RANBP10: variants seen among roughly 807,000 people sequenced by gnomAD.
RANBP10 encodes ran-binding protein 10.
In RANBP10, 24 loss-of-function variants were observed where a neutral mutation model predicts 72.8. The observed-to-expected ratio is 0.33, with a 90% CI of 0.24 to 0.46. RANBP10 has a LOEUF of 0.46. Ranked by LOEUF, RANBP10 falls within the 20% of genes least tolerant of loss-of-function variation. RANBP10 has a pLI of 1.00. For synonymous variants in RANBP10, 310 were observed against 322.3 expected (o/e 0.96, Z 0.41); for missense variants, 679 against 817.5 (o/e 0.83, Z 2.07).
At chr16:67,741,852 G>A (rs142594057) in intron 4 of RANBP10, among the ~76,000 whole-genome samples, 2 of 152,150 alleles carry the variant, frequency 1.3e-5, no homozygotes, top group African/African-American at 4.8e-5. Context: ...AGTGGGGAAG[G>A]GATCGATTCT....
chr16:67,765,728 C>T (rs939170377), intron 3 of RANBP10, among the ~76,000 whole-genome samples: 1 of 151,580 alleles, frequency 6.6e-6, no homozygotes, highest in African/African-American at 2.4e-5. Flanking sequence ...CTCAGCTACT[C>T]GAGAGGCTGA....
At chr16:67,746,801 G>A (rs1447342072) in intron 3 of RANBP10, among the ~76,000 whole-genome samples, 17 of 152,140 alleles carry the variant, frequency 1.1e-4, no homozygotes, top group Admixed American at 1.1e-3. Context: ...GTCTTGCCTG[G>A]CTTCTTAGAC....
intron 13 of RANBP10, among the ~76,000 whole-genome samples, chr16:67,727,079 G>A (rs1171858755): frequency 6.6e-6 from 1 of 152,216 alleles, no homozygotes; most frequent in Non-Finnish European, 1.5e-5. Flanking sequence ...CAGATCACCT[G>A]AGGCCAGGAG....
chr16:67,790,886 G>A (rs1175984030), intron 2 of RANBP10, among the ~76,000 whole-genome samples: 1 of 151,260 alleles, frequency 6.6e-6, no homozygotes, highest in Non-Finnish European at 1.5e-5. Context: ...TTTTAGTAGA[G>A]ACGGGGTCTC....
intron 3 of RANBP10, among the ~76,000 whole-genome samples, chr16:67,746,156 C>T (rs1392471323): frequency 6.9e-6 from 1 of 144,926 alleles, no homozygotes; most frequent in Non-Finnish European, 1.5e-5. Context: ...AACTCTGTCT[C>T]AAAAAAATAA....
At chr16:67,734,458 C>A (rs2053798704) in intron 6 of RANBP10, among the ~76,000 whole-genome samples, 1 of 152,218 alleles carries the variant, frequency 6.6e-6, no homozygotes, top group Admixed American at 6.5e-5. Flanking sequence ...GGATGCTGGG[C>A]CCTGTGAGGT....
chr16:67,784,056 A>C (rs1264039435), intron 2 of RANBP10, among the ~76,000 whole-genome samples: 1 of 151,898 alleles, frequency 6.6e-6, no homozygotes, highest in Non-Finnish European at 1.5e-5. Flanking sequence ...AAAAAAAAAA[A>C]AAAAAAAAGA....
intron 2 of RANBP10, among the ~76,000 whole-genome samples, chr16:67,802,508 T>C (rs1393575953): frequency 5.9e-5 from 9 of 152,144 alleles, no homozygotes; most frequent in Non-Finnish European, 1.0e-4. Flanking sequence ...CGTGGTGGCG[T>C]ATGCCTGTAA....
intron 2 of RANBP10, 106 bp downstream of exon 2, chr16:67,805,322 G>A (rs1372824686): frequency 7.4e-6 from 7 of 944,768 alleles, no homozygotes; most frequent in South Asian, 3.3e-5. Flanking sequence ...AGACCCATGC[G>A]GCTCCCCAGC....
intron 3 of RANBP10, among the ~76,000 whole-genome samples, chr16:67,771,189 A>C (rs1295862421): frequency 6.6e-6 from 1 of 150,892 alleles, no homozygotes; most frequent in Non-Finnish European, 1.5e-5. Context: ...TGGGAGGTCG[A>C]GGCTGCAGTA....
In RANBP10 at chr16:67,724,532, G is replaced by T. The variant is rs2053570050; in HGVS notation, c.*1896C>A. 1 of 152,222 alleles carries T rather than the reference G, an allele frequency of 6.6e-6. No individual in the cohort carries two copies. The highest frequency in any genetic ancestry group is 2.4e-5 in the African/African-American group (1 of 41,456). The allele number at this position is 152,222 out of a possible 1,614,324, so 9.4% of individuals were successfully genotyped here. On this transcript the variant is annotated 3_prime_UTR_variant, in exon 14 of 14. Coordinates refer to ENST00000317506, the MANE Select transcript of RANBP10 (RefSeq NM_020850.3). ...GTAGCCCCAGGCTGTCACAAGAGAT[G>T]AATTTCCTTTACAGACAGGACGCCT...
At chr16:67,775,916 C>A (rs900411047) in intron 2 of RANBP10, among the ~76,000 whole-genome samples, 2 of 150,558 alleles carry the variant, frequency 1.3e-5, no homozygotes, top group African/African-American at 2.4e-5. Context: ...GAGGCCCAGG[C>A]GAGCGGATCA....
At position 67,723,700 on chromosome 16, in the gene RANBP10, C is replaced by G. The variant is rs1006599406; in HGVS notation, c.*2728G>C. 2 of 152,374 alleles carry G rather than the reference C, an allele frequency of 1.3e-5. No homozygotes were observed. The highest frequency in any genetic ancestry group is 2.9e-5 in the Non-Finnish European group (2 of 68,120). The allele number at this position is 152,374 out of a possible 1,614,324, so 9.4% of individuals were successfully genotyped here. ...GGGAAGGCTGCTCCCCAGGGCCGGA[C>G]AAACCAAGAAAGCCAGGTCTTCCTC... On this transcript the variant is annotated 3_prime_UTR_variant, in exon 14 of 14. Coordinates refer to ENST00000317506, the MANE Select transcript of RANBP10 (RefSeq NM_020850.3).
intron 2 of RANBP10, among the ~76,000 whole-genome samples, chr16:67,804,117 G>A (rs1180452058): frequency 6.6e-6 from 1 of 152,146 alleles, no homozygotes; most frequent in Non-Finnish European, 1.5e-5. Flanking sequence ...AAAGGGGACA[G>A]TCCCTAGGAG....
At chr16:67,769,484 G>T (rs756227615) in intron 3 of RANBP10, among the ~76,000 whole-genome samples, 1 of 132,510 alleles carries the variant, frequency 7.5e-6, no homozygotes, top group Non-Finnish European at 1.6e-5. Flanking sequence ...AGTGGCTCAC[G>T]CCTGTAATCC....
intron 3 of RANBP10, among the ~76,000 whole-genome samples, chr16:67,764,348 T>C (rs1241855515): frequency 6.6e-6 from 1 of 152,206 alleles, no homozygotes. Context: ...CCTCTTTTCT[T>C]GGGCTGACTC....
chr16:67,734,984 A>T lies in RANBP10; in HGVS notation c.650T>A (p.Phe217Tyr). Residue 217 changes from phenylalanine (F) to tyrosine (Y), a missense_variant, in exon 6 of 14, where the codon TTT (phenylalanine) becomes TAT (tyrosine). Phe to Tyr is a conservative substitution (Grantham distance 22, BLOSUM62 3). Transcript: ENST00000317506. The part of the protein sequence containing the change: ...QTPGEIVDAN[F>Y]GQQPFLFDIE... ...GTCAAACAGGAAGGGCTGCTGCCCAAAGTTGGCGTCCACAATCTCCCCAGG... is the reference window on the plus strand; with the variant it reads ...GTCAAACAGGAAGGGCTGCTGCCCATAGTTGGCGTCCACAATCTCCCCAGG... 6.2e-7 allele frequency: 1 copy of T among 1,614,012 alleles called. No homozygotes were observed. Among genetic ancestry groups the T allele is most frequent in the South Asian group, 1.1e-5 (1 of 91,052 alleles).
At chr16:67,804,940 T>C (rs916150039) in intron 2 of RANBP10, among the ~76,000 whole-genome samples, 5 of 152,186 alleles carry the variant, frequency 3.3e-5, no homozygotes, top group Non-Finnish European at 5.9e-5. Context: ...ATTCTGATCA[T>C]GTGTATGCTG....
chr16:67,733,811 T>A (rs1485288660), intron 6 of RANBP10, among the ~76,000 whole-genome samples: 1 of 152,116 alleles, frequency 6.6e-6, no homozygotes, highest in African/African-American at 2.4e-5. Context: ...AGTATTTTTT[T>A]AAAAACCCCA....
Sources: allele counts gnomAD v4.1 joint callset (sites outside exome capture counted in the v4.1 genomes callset), GRCh38; gene constraint gnomAD v4.1.1; transcripts MANE v1.5; gene names NCBI Gene and HGNC (gene_info 2026-07-23, HGNC 2026-07-21).